NTMT1: variants seen among roughly 807,000 people sequenced by gnomAD.
The protein encoded by NTMT1 is N-terminal Xaa-Pro-Lys N-methyltransferase 1, also known as N-terminal RCC1 methyltransferase.
A neutral mutation model predicts 17.5 loss-of-function variants in NTMT1; 8 were observed. The observed-to-expected ratio is 0.46, with a 90% CI of 0.27 to 0.82. The LOEUF (loss-of-function observed/expected upper bound fraction) is 0.82. Among genes scored for constraint, NTMT1 ranks in the 40% least tolerant of loss-of-function variants. The pLI, the probability that NTMT1 is intolerant of heterozygous loss-of-function variation, is 0.15. For synonymous variants in NTMT1, 128 were observed against 126.8 expected (o/e 1.01, Z -0.06); for missense variants, 221 against 303.5 (o/e 0.73, Z 2.02).
chr9:129,630,081 G>A (rs1393206326), intron 1 of NTMT1, among the ~76,000 whole-genome samples: 1 of 152,228 alleles, frequency 6.6e-6, no homozygotes, highest in African/African-American at 2.4e-5. Context: ...GCTGGGCGGG[G>A]TGGGCCTACT....
At chr9:129,622,611 A>C (rs1394433644), upstream of NTMT1, among the ~76,000 whole-genome samples, 1 of 152,190 alleles carries the variant, frequency 6.6e-6, no homozygotes, top group Non-Finnish European at 1.5e-5. Flanking sequence ...ACTATGAAAC[A>C]CACACATATC....
At chr9:129,609,990 G>T (rs945092610) in intron 1 of NTMT1, among the ~76,000 whole-genome samples, 7 of 150,140 alleles carry the variant, frequency 4.7e-5, no homozygotes, top group Admixed American at 1.3e-4. Flanking sequence ...TTTTGTCTGT[G>T]TACCGTGTGG....
Position 129,635,662 on chromosome 9 carries a change from C to A in NTMT1, c.*198C>A. The A allele has an allele frequency of 3.0e-6, 2 of 658,404 alleles. No homozygotes were observed. The highest frequency in any genetic ancestry group is 5.1e-6 in the Non-Finnish European group (2 of 388,532). The allele number at this position is 658,404 out of a possible 1,614,324, so 40.8% of individuals were successfully genotyped here. On this transcript the variant is annotated 3_prime_UTR_variant, in exon 4 of 4. Transcript: ENST00000372483. ...GGCGGGGAGGGTGCTGCTGAACCAG[C>A]GGTGAGGCAGGAGCCCAGACCCTGC...
rs1307795681 is a variant in NTMT1, at chr9:129,613,489, G to T, written c.-55+4311G>T. 1.2e-6 allele frequency: 2 copies of T among 1,614,062 alleles called. No individual in the cohort carries two copies. The highest frequency in any genetic ancestry group is 8.5e-7 in the Non-Finnish European group (1 of 1,180,046). Reference sequence around the variant, plus strand: ...GGCCAGGGTCTCCTCCTTGGCCCCAGGGTACAGGGCTTTGGGCAAACTCTC... The same window carrying T: ...GGCCAGGGTCTCCTCCTTGGCCCCATGGTACAGGGCTTTGGGCAAACTCTC... On this transcript the variant is annotated intron_variant, in intron 1 of 3. Transcript: ENST00000372486. The surrounding 1 kb of genome is among the most constrained non-coding windows in gnomAD (Gnocchi z 6.2).
intron 1 of NTMT1, among the ~76,000 whole-genome samples, chr9:129,617,841 G>A (rs1275547492): frequency 1.1e-4 from 16 of 152,130 alleles, no homozygotes; most frequent in African/African-American, 3.4e-4. Flanking sequence ...GCACCACCAC[G>A]CCCAGCTAAT....
chr9:129,630,888 T>C (rs1831128167), intron 1 of NTMT1, among the ~76,000 whole-genome samples: 1 of 152,234 alleles, frequency 6.6e-6, no homozygotes, highest in African/African-American at 2.4e-5. Flanking sequence ...TTGCTGTGTG[T>C]CCTCAGCACG....
At chr9:129,610,190 G>A (rs1830077931) in intron 1 of NTMT1, among the ~76,000 whole-genome samples, 2 of 130,532 alleles carry the variant, frequency 1.5e-5, no homozygotes, top group Non-Finnish European at 3.3e-5. Context: ...ACAGGGGAGG[G>A]GGGAGGAGGG....
upstream of NTMT1, among the ~76,000 whole-genome samples, chr9:129,623,072 G>A (rs1414770520): frequency 6.6e-6 from 1 of 150,862 alleles, no homozygotes; most frequent in Admixed American, 6.6e-5. Flanking sequence ...GGTGGCTCAC[G>A]CCTGTAATCC....
chr9:129,619,461 A>G, intron 1 of NTMT1: 3 of 1,214,514 alleles, frequency 2.5e-6, no homozygotes, highest in East Asian at 2.3e-5. Context: ...GAGGAAAGAA[A>G]GAAGGAAAGA....
chr9:129,635,659 C>A lies in NTMT1; in HGVS notation c.*195C>A. On this transcript the variant is annotated 3_prime_UTR_variant, in exon 4 of 4. Coordinates refer to ENST00000372483, the MANE Select transcript of NTMT1 (RefSeq NM_014064.4). ...CCCGGCGGGGAGGGTGCTGCTGAACCAGCGGTGAGGCAGGAGCCCAGACCC... is the reference window on the plus strand; with the variant it reads ...CCCGGCGGGGAGGGTGCTGCTGAACAAGCGGTGAGGCAGGAGCCCAGACCC... The A allele has an allele frequency of 1.5e-6, 1 of 674,932 alleles. No individual in the cohort carries two copies. Among genetic ancestry groups the A allele is most frequent in the Non-Finnish European group, 2.5e-6 (1 of 400,308 alleles). The allele number at this position is 674,932 out of a possible 1,614,324, so 41.8% of individuals were successfully genotyped here.
chr9:129,622,855 C>T (rs1234944450), upstream of NTMT1, among the ~76,000 whole-genome samples: 3 of 152,074 alleles, frequency 2.0e-5, no homozygotes, highest in African/African-American at 7.2e-5. Flanking sequence ...TGGTGAAACC[C>T]CGTCTCTACT....
At chr9:129,627,844 C>T (rs958299387) in intron 1 of NTMT1, among the ~76,000 whole-genome samples, 9 of 152,274 alleles carry the variant, frequency 5.9e-5, no homozygotes, top group South Asian at 2.1e-4. Flanking sequence ...CAGGCTTTTC[C>T]GTAGAGACTT....
At chr9:129,627,365 C>G (rs1364428002) in intron 1 of NTMT1, among the ~76,000 whole-genome samples, 2 of 152,188 alleles carry the variant, frequency 1.3e-5, no homozygotes, top group African/African-American at 2.4e-5. Context: ...GTGTCCAATA[C>G]AGCTTCTGTG....
intron 2 of NTMT1, chr9:129,633,125 A>G: frequency 4.0e-6 from 2 of 498,602 alleles, no homozygotes; most frequent in Non-Finnish European, 3.5e-6. Context: ...ACCTCTCTTC[A>G]ACTGTTGGGT....
intron 2 of NTMT1, 122 bp from the exon 3 acceptor site, chr9:129,633,932 A>G: frequency 1.8e-6 from 2 of 1,139,156 alleles, no homozygotes; most frequent in Non-Finnish European, 1.2e-6. Flanking sequence ...CCTCCCCACC[A>G]GTGCTCAGCT....
At position 129,634,996 on chromosome 9, in the gene NTMT1, G is replaced by A. The variant is rs144051769; in HGVS notation, c.416-212G>A. 7.3e-4 allele frequency: 433 copies of A among 592,204 alleles called. 2 individuals are homozygous for A. Among genetic ancestry groups the A allele is most frequent in the Admixed American group, 1.2e-3 (40 of 32,018 alleles). The allele number at this position is 592,204 out of a possible 1,614,324, so 36.7% of individuals were successfully genotyped here. A position where few individuals can be genotyped will look rare whatever the true frequency, so the allele number is the denominator to read the frequency against. ...CCGTCAAGTCAAATTCTGGCTTAAT[G>A]TGTCTTTAGGTAGATGACCTCTGAG... is the stretch of plus-strand genomic sequence containing the variant. On this transcript the variant is annotated intron_variant, in intron 3 of 3. Transcript: ENST00000372483.
At chr9:129,623,276 T>C (rs1345206715), upstream of NTMT1, among the ~76,000 whole-genome samples, 1 of 149,118 alleles carries the variant, frequency 6.7e-6, no homozygotes, top group Non-Finnish European at 1.5e-5. Flanking sequence ...GAGCTTGCAG[T>C]GAGCGGAGAT....
At chr9:129,625,847 A>C (rs898259491), upstream of NTMT1, among the ~76,000 whole-genome samples, 1 of 151,920 alleles carries the variant, frequency 6.6e-6, no homozygotes, top group East Asian at 1.9e-4. Context: ...ACCCGTCTCT[A>C]CTAAAAATAC....
chr9:129,619,415 A>T, intron 1 of NTMT1: 1 of 797,920 alleles, frequency 1.3e-6, no homozygotes, highest in Non-Finnish European at 2.1e-6. Context: ...ATGAATGGGT[A>T]GATAGGTGGA....
Sources: allele counts gnomAD v4.1 joint callset (sites outside exome capture counted in the v4.1 genomes callset), GRCh38; gene constraint gnomAD v4.1.1; non-coding constraint Gnocchi (gnomAD v3.1); transcripts MANE v1.5; gene names NCBI Gene and HGNC (gene_info 2026-07-23, HGNC 2026-07-21).